TWNK: variants seen among roughly 807,000 people sequenced by gnomAD.
The protein encoded by TWNK is T7 gp4-like protein with intramitochondrial nucleoid localization.
Under a neutral mutation model 58.2 loss-of-function variants are expected in TWNK, and 36 were observed. That is an observed-to-expected ratio of 0.62 (90% CI 0.47 to 0.82). TWNK has a LOEUF of 0.82. TWNK is among the 40% of genes least tolerant of loss of function. TWNK has a pLI of 0.00. For synonymous variants in TWNK, 349 were observed against 348.5 expected, an observed-to-expected ratio of 1.00 and a Z score of -0.02; for missense variants, 714 against 881.0, an observed-to-expected ratio of 0.81 and a Z score of 2.40.
Position 100,987,560 on chromosome 10 carries a change from G to A in TWNK, c.-651G>A. 1.4e-6 allele frequency: 2 copies of A among 1,427,072 alleles called. No homozygotes were observed. The highest frequency in any genetic ancestry group is 1.9e-6 in the Non-Finnish European group (2 of 1,074,040). 88.4% of individuals were successfully genotyped at this position (1,427,072 alleles called of 1,614,324 possible). A position where few individuals can be genotyped will look rare whatever the true frequency, so the allele number is the denominator to read the frequency against. On this transcript the variant is annotated 5_prime_UTR_variant, in exon 1 of 5. Coordinates refer to ENST00000311916, the MANE Select transcript of TWNK (RefSeq NM_021830.5). ...GGAGTTTTGCTTCCGAGGTCAAGGC[G>A]AGTAGCATGTGCGGGAGACTCACGT... is the stretch of plus-strand genomic sequence containing the variant.
At chr10:100,991,054 G>A in intron 4 of TWNK, 44 bp downstream of exon 4, 2 of 1,612,738 alleles carry the variant, frequency 1.2e-6, no homozygotes. Flanking sequence ...AAATAGAGTG[G>A]GTAGGTGTGA....
intron 3 of TWNK, 21 bp from the exon 4 acceptor site, chr10:100,990,848 T>C (rs749113412): frequency 6.8e-6 from 11 of 1,614,036 alleles, no homozygotes; most frequent in Non-Finnish European, 9.3e-6. Context: ...ATAAGCTCTT[T>C]GTGTTGTTGG....
chr10:100,993,152 T>C (rs1469318134), intron 4 of TWNK, 38 bp from the exon 5 acceptor site: 2 of 1,608,582 alleles, frequency 1.2e-6, no homozygotes, highest in Non-Finnish European at 1.7e-6. Flanking sequence ...TCATGTCCTC[T>C]TACTCCTGCT....
Position 100,991,733 on chromosome 10 carries a change from C to A in TWNK, c.1734+723C>A, listed in dbSNP as rs1851778655. Among the ~76,000 whole-genome samples the A allele has an allele frequency of 2.6e-5, 4 of 152,036 alleles. No homozygotes were observed. The South Asian group carries it at 8.3e-4, about 32-fold the overall frequency. ...CTCTACAAAAATATTTGAAAATTGGCCAGGCGTGGTGGCTCACGCTTATAA... is the reference window on the plus strand; with the variant it reads ...CTCTACAAAAATATTTGAAAATTGGACAGGCGTGGTGGCTCACGCTTATAA... On this transcript the variant is annotated intron_variant, in intron 4 of 4. Coordinates refer to ENST00000311916, the MANE Select transcript of TWNK (RefSeq NM_021830.5).
Position 100,990,863 on chromosome 10 carries a change from G to A in TWNK, c.1593-6G>A, listed in dbSNP as rs768295912. The A allele has an allele frequency of 6.2e-7, 1 of 1,614,128 alleles. No homozygotes were observed. Among genetic ancestry groups the A allele is most frequent in the Non-Finnish European group, 8.5e-7 (1 of 1,179,994 alleles). On this transcript the variant is annotated splice_region_variant and splice_polypyrimidine_tract_variant and intron_variant, in intron 3 of 4. Transcript: ENST00000311916. ...ATAAGCTCTTTGTGTTGTTGGGATG[G>A]CGTAGGATCGCAGCTCAAGACTACA...
rs990525705 is a variant in TWNK at position 100,987,972 on chromosome 10, A to G, written c.-239A>G. On this transcript the variant is annotated 5_prime_UTR_variant, in exon 1 of 5. Coordinates refer to ENST00000311916, the MANE Select transcript of TWNK (RefSeq NM_021830.5). ...GCGGAGAGAAACTAACTAACGGACC[A>G]TAGAGGTGGGGGAGCCATTGTAGAA... 11 of 635,982 alleles carry G rather than the reference A, an allele frequency of 1.7e-5. No homozygotes were observed. The East Asian group carries it at 2.4e-4, about 14-fold the overall frequency. 39.4% of individuals were successfully genotyped at this position (635,982 alleles called of 1,614,324 possible).
At position 100,989,937 on chromosome 10, in the gene TWNK, C is replaced by G. The variant is rs1278070689; in HGVS notation, c.1484+53C>G. 6.2e-7 allele frequency: 1 copy of G among 1,611,914 alleles called. No individual in the cohort carries two copies. ...GCTTTCCCAGACATATCCCAGCACT[C>G]AGGAACCTTTGGTTCCTTTTCCAGC... On this transcript the variant is annotated intron_variant, in intron 2 of 4. Coordinates refer to ENST00000311916, the MANE Select transcript of TWNK (RefSeq NM_021830.5). This position sits in a 1 kb window ranked among gnomAD's most constrained non-coding sequence, Gnocchi z 7.6.
intron 4 of TWNK, among the ~76,000 whole-genome samples, chr10:100,991,513 G>A (rs761289316): frequency 2.5e-4 from 38 of 152,306 alleles, no homozygotes; most frequent in Middle Eastern, 6.8e-3. Flanking sequence ...TGGGCCTAGG[G>A]AATTCAGAGC....
chr10:100,988,999 G>A lies in TWNK; in HGVS notation c.789G>A (p.Thr263=). 7 of 1,614,150 alleles carry A rather than the reference G, an allele frequency of 4.3e-6. No individual in the cohort carries two copies. The highest frequency in any genetic ancestry group is 5.9e-6 in the Non-Finnish European group (7 of 1,180,028). Residue 263 remains threonine, a synonymous_variant, in exon 1 of 5, where the codon ACG becomes ACA. Transcript: ENST00000311916. The surrounding 1 kb of genome is among the most constrained non-coding windows in gnomAD (Gnocchi z 5.2). ...ISRRDAEVVL[T]SRELDSLALN... is the part of the protein sequence containing the mutation. Reference sequence around the variant, plus strand: ...GTCGAGATGCTGAGGTGGTACTGACGAGTCGTGAGCTTGACAGCCTGGCCT... The same window carrying A: ...GTCGAGATGCTGAGGTGGTACTGACAAGTCGTGAGCTTGACAGCCTGGCCT...
rs1851698710 is a variant in TWNK at position 100,989,348 on chromosome 10, G to A, written c.1138G>A (p.Glu380Lys). The change falls in exon 1 of 5, where the codon GAA becomes AAA. Residue 380 changes from glutamate to lysine, a missense_variant. By Grantham distance (56) the Glu-to-Lys change is moderately conservative (BLOSUM62 1). Coordinates refer to ENST00000311916, the MANE Select transcript of TWNK (RefSeq NM_021830.5). This position sits in a 1 kb window ranked among gnomAD's most constrained non-coding sequence, Gnocchi z 7.6. ...FRQLREEVLG[E>K]LSNVEQAAGL... is the part of the protein sequence containing the mutation. The stretch of plus-strand genomic sequence containing the variant: ...GCAGCTTCGGGAGGAGGTGCTAGGA[G>A]AACTGTCAAATGTGGAGCAAGCAGC... The A allele has an allele frequency of 6.2e-7, 1 of 1,614,234 alleles. No homozygotes were observed.
Position 100,989,780 on chromosome 10 carries a change from C to T in TWNK, c.1380C>T (p.Ala460=), listed in dbSNP as rs766657831. The change falls in exon 2 of 5, where the codon GCC becomes GCT. Residue 460 remains alanine, a synonymous_variant. Coordinates refer to ENST00000311916, the MANE Select transcript of TWNK (RefSeq NM_021830.5). The surrounding 1 kb of genome is among the most constrained non-coding windows in gnomAD (Gnocchi z 7.6). ...CCCGGGTCATGCTGACACAGTTTGC[C>T]GAGGGGCGGCTGGAAGATCAACTGG... ...RLARVMLTQF[A]EGRLEDQLDK... The T allele has an allele frequency of 2.7e-5, 44 of 1,614,034 alleles. No homozygotes were observed. The highest frequency in any genetic ancestry group is 1.1e-4 in the South Asian group (10 of 91,092).
Position 100,989,999 on chromosome 10 carries a change from T to C in TWNK, c.1484+115T>C. 7.0e-7 allele frequency: 1 copy of C among 1,431,530 alleles called. No individual in the cohort carries two copies. Among genetic ancestry groups the C allele is most frequent in the Non-Finnish European group, 9.8e-7 (1 of 1,020,918 alleles). 88.7% of individuals were successfully genotyped at this position (1,431,530 alleles called of 1,614,324 possible). A position where few individuals can be genotyped will look rare whatever the true frequency, so the allele number is the denominator to read the frequency against. On this transcript the variant is annotated intron_variant, in intron 2 of 4. Coordinates refer to ENST00000311916, the MANE Select transcript of TWNK (RefSeq NM_021830.5). The surrounding 1 kb of genome is among the most constrained non-coding windows in gnomAD (Gnocchi z 7.6). ...CTCCCCCATCTCCTTAGGTTTGGAG[T>C]TTTTCAAAGAATGAGAGGGCAGGGC...
In TWNK at chr10:100,987,626, T is replaced by G. The variant is rs886046624; in HGVS notation, c.-585T>G. ...AGAGAGAAAAGTGGTAACCTGGGGC[T>G]GGGGGCCGGCGCGGCGGAGCTCGGA... On this transcript the variant is annotated 5_prime_UTR_variant, in exon 1 of 5. Transcript: ENST00000311916. 2.3e-6 allele frequency: 2 copies of G among 858,512 alleles called. No individual in the cohort carries two copies. Among genetic ancestry groups the G allele is most frequent in the East Asian group, 2.7e-5 (1 of 37,086 alleles). 53.2% of individuals were successfully genotyped at this position (858,512 alleles called of 1,614,324 possible). A position where few individuals can be genotyped will look rare whatever the true frequency, so the allele number is the denominator to read the frequency against.
At chr10:100,991,145 C>G in intron 4 of TWNK, 135 bp downstream of exon 4, 1 of 1,302,698 alleles carries the variant, frequency 7.7e-7, no homozygotes, top group Non-Finnish European at 1.1e-6. Context: ...GGGGCCATGA[C>G]ATGAGGAATA....
Position 100,990,539 on chromosome 10 carries a change from G to C in TWNK, c.1588G>C (p.Asp530His). The change falls in exon 3 of 5, where the codon GAC becomes CAC. Residue 530 changes from aspartate to histidine, a missense_variant. Physicochemically the swap from Asp to His is moderately conservative, Grantham distance 81. Transcript: ENST00000311916. ...FMMGHEQLST[D>H]RIAAQDYIIG... Reference sequence around the variant, plus strand: ...GATGGGTCACGAGCAGCTGTCCACAGACAGGTGACGGTGACATCCTCTCTT... The same window carrying C: ...GATGGGTCACGAGCAGCTGTCCACACACAGGTGACGGTGACATCCTCTCTT... 6.2e-7 allele frequency: 1 copy of C among 1,614,178 alleles called. No individual in the cohort carries two copies. The highest frequency in any genetic ancestry group is 8.5e-7 in the Non-Finnish European group (1 of 1,180,034).
At position 100,987,675 on chromosome 10, in the gene TWNK, G is replaced by C. The variant is rs1053893631; in HGVS notation, c.-536G>C. 7 of 610,242 alleles carry C rather than the reference G, an allele frequency of 1.1e-5. No homozygotes were observed. Among genetic ancestry groups the C allele is most frequent in the African/African-American group, 1.1e-4 (6 of 54,004 alleles). The allele number at this position is 610,242 out of a possible 1,614,324, so 37.8% of individuals were successfully genotyped here. On this transcript the variant is annotated 5_prime_UTR_variant, in exon 1 of 5. Transcript: ENST00000311916. ...GAGTAGTAGAGCGGAGTGAAGACAC[G>C]GGGGAGGATAGAGACTGGCATTCCT...
In TWNK at chr10:100,993,241, A is replaced by G; in HGVS notation, c.1786A>G (p.Thr596Ala). The G allele has an allele frequency of 6.2e-7, 1 of 1,614,160 alleles. No homozygotes were observed. The highest frequency in any genetic ancestry group is 8.5e-7 in the Non-Finnish European group (1 of 1,180,028). ...VLILQDRKLV[T>A]GPGKRYLQVS... ...GATCCTGCAGGACAGGAAGCTGGTA[A>G]CCGGGCCAGGGAAACGGTATCTGCA... Residue 596 changes from threonine (T) to alanine (A), a missense_variant, in exon 5 of 5, where the codon ACC becomes GCC. Around this residue, in one of 3 missense-constraint regions of TWNK, gnomAD observed 302 missense variants for 438.6 expected, o/e 0.69. Transcript: ENST00000311916.
rs1357673310 is a variant in TWNK at position 100,989,785 on chromosome 10, G to A, written c.1385G>A (p.Gly462Glu). 6.2e-7 allele frequency: 1 copy of A among 1,614,064 alleles called. No individual in the cohort carries two copies. Among genetic ancestry groups the A allele is most frequent in the Non-Finnish European group, 8.5e-7 (1 of 1,180,048 alleles). Residue 462 changes from glycine (G) to glutamate (E), a missense_variant, in exon 2 of 5, where the codon GGG becomes GAG. Gly to Glu is a moderately conservative substitution (Grantham distance 98). This residue lies in a region of TWNK where 302 missense variants were observed against 438.6 expected (regional missense o/e 0.69). Transcript: ENST00000311916. The surrounding 1 kb of genome is among the most constrained non-coding windows in gnomAD (Gnocchi z 7.6). ...GTCATGCTGACACAGTTTGCCGAGG[G>A]GCGGCTGGAAGATCAACTGGACAAA... ...ARVMLTQFAE[G>E]RLEDQLDKYD...
chr10:100,989,471 C>G lies in TWNK; in HGVS notation c.1243+18C>G. 6.2e-7 allele frequency: 1 copy of G among 1,613,002 alleles called. No individual in the cohort carries two copies. Among genetic ancestry groups the G allele is most frequent in the Non-Finnish European group, 8.5e-7 (1 of 1,179,964 alleles). ...CTTCACAGGTAACCCTTTGAGAAAT[C>G]ACTACTTAGAGTAAAGGGGCAGAAG... is the stretch of plus-strand genomic sequence containing the variant. On this transcript the variant is annotated intron_variant, in intron 1 of 4. Coordinates refer to ENST00000311916, the MANE Select transcript of TWNK (RefSeq NM_021830.5). This position sits in a 1 kb window ranked among gnomAD's most constrained non-coding sequence, Gnocchi z 7.6.
Sources: allele counts gnomAD v4.1 joint callset (sites outside exome capture counted in the v4.1 genomes callset), GRCh38; gene constraint gnomAD v4.1.1; regional missense constraint gnomAD v4.1.1; non-coding constraint Gnocchi (gnomAD v3.1); transcripts MANE v1.5; gene names NCBI Gene and HGNC (gene_info 2026-07-23, HGNC 2026-07-21).